The following VWC2 variants were observed in gnomAD, a reference collection of about 807,000 sequenced individuals.
VWC2 encodes brorin.
Under a neutral mutation model 29.8 loss-of-function variants are expected in VWC2, and 14 were observed. The observed-to-expected ratio is 0.47, with a 90% CI of 0.31 to 0.74. The LOEUF is 0.74. VWC2 is among the 30% of genes least tolerant of loss of function. VWC2 has a pLI of 0.05. For synonymous variants in VWC2, 213 were observed against 199.0 expected, an observed-to-expected ratio of 1.07 and a Z score of -0.59; for missense variants, 457 against 459.8, an observed-to-expected ratio of 0.99 and a Z score of 0.05.
intron 3 of VWC2, among the ~76,000 whole-genome samples, chr7:49,905,287 T>C (rs1793026332): frequency 6.6e-6 from 1 of 152,204 alleles, no homozygotes; most frequent in Admixed American, 6.5e-5. Context: ...ATGATAGCTA[T>C]GGAAAGTGAC....
chr7:49,847,205 G>A (rs992740846), intron 3 of VWC2, among the ~76,000 whole-genome samples: 3 of 149,378 alleles, frequency 2.0e-5, no homozygotes, highest in African/African-American at 7.3e-5. Flanking sequence ...AAAAATGTGT[G>A]AACCTATTAT....
intron 3 of VWC2, among the ~76,000 whole-genome samples, chr7:49,813,539 C>A (rs1789061442): frequency 6.6e-6 from 1 of 152,158 alleles, no homozygotes; most frequent in Non-Finnish European, 1.5e-5. Flanking sequence ...TTGGATATTT[C>A]CTGCCAGTCA....
chr7:49,917,172 C>A lies in VWC2; in HGVS notation c.*4987C>A, dbSNP rs1478925554. The A allele has an allele frequency of 6.6e-6, 1 of 152,040 alleles. No homozygotes were observed. The highest frequency in any genetic ancestry group is 1.5e-5 in the Non-Finnish European group (1 of 67,996). 9.4% of individuals were successfully genotyped at this position (152,040 alleles called of 1,614,324 possible). A position where few individuals can be genotyped will look rare whatever the true frequency, so the allele number is the denominator to read the frequency against. On this transcript the variant is annotated 3_prime_UTR_variant, in exon 4 of 4. Coordinates refer to ENST00000340652, the MANE Select transcript of VWC2 (RefSeq NM_198570.5). ...GAACTGATACAATAATGAGCTGAGT[C>A]ATTTGTACAGAAATATAGTAGCTTC...
chr7:49,794,009 C>T (rs1788524044), intron 2 of VWC2, among the ~76,000 whole-genome samples: 1 of 152,302 alleles, frequency 6.6e-6, no homozygotes, highest in East Asian at 1.9e-4. Flanking sequence ...CTAGCCAACA[C>T]CAAAGAGCTA....
intron 2 of VWC2, among the ~76,000 whole-genome samples, chr7:49,784,509 C>A (rs1003210509): frequency 6.6e-6 from 1 of 152,134 alleles, no homozygotes. Context: ...GGTTGTGGCA[C>A]GTGAAGAGTT....
chr7:49,912,809 A>C lies in VWC2; in HGVS notation c.*624A>C, dbSNP rs997881053. On this transcript the variant is annotated 3_prime_UTR_variant, in exon 4 of 4. Transcript: ENST00000340652. ...TCACTTGTGAAATGCAGGTGTAAAG[A>C]TCACTAACTCACACTTTCTCAGTTC... The C allele has an allele frequency of 3.3e-5, 5 of 152,326 alleles. No individual in the cohort carries two copies. The highest frequency in any genetic ancestry group is 1.2e-4 in the African/African-American group (5 of 41,464). The allele number at this position is 152,326 out of a possible 1,614,324, so 9.4% of individuals were successfully genotyped here. A position where few individuals can be genotyped will look rare whatever the true frequency, so the allele number is the denominator to read the frequency against.
chr7:49,796,183 T>C (rs766961696), intron 2 of VWC2, among the ~76,000 whole-genome samples: 39 of 152,322 alleles, frequency 2.6e-4, no homozygotes, highest in Non-Finnish European at 4.9e-4. Context: ...TGCTGAATAG[T>C]TGTAGTTGAG....
At chr7:49,852,135 G>A (rs757180255) in intron 3 of VWC2, among the ~76,000 whole-genome samples, 2 of 152,200 alleles carry the variant, frequency 1.3e-5, no homozygotes, top group Admixed American at 6.5e-5. Context: ...CTGGAGAGTC[G>A]GTCATCAGGC....
intron 3 of VWC2, among the ~76,000 whole-genome samples, chr7:49,859,790 G>GCACA (rs57768700): frequency 0.036 from 431 of 12,010 alleles, 3 homozygotes; most frequent in African/African-American, 0.11. Context: ...GCGCGTGCGT[G>GCACA]CACACACACA....
rs1327376579 is a variant in VWC2 at position 49,919,120 on chromosome 7, T to TG, written c.*6939dup. 2 of 151,774 alleles carry TG rather than the reference T, an allele frequency of 1.3e-5. No individual in the cohort carries two copies. The highest frequency in any genetic ancestry group is 2.9e-5 in the Non-Finnish European group (2 of 67,990). The allele number at this position is 151,774 out of a possible 1,614,324, so 9.4% of individuals were successfully genotyped here. ...TGTCTGGTTCCAAAGCTATCCTACA[T>TG]GGGGCACAGTCAGGACTGGAATGGA... is the stretch of plus-strand genomic sequence containing the variant. On this transcript the variant is annotated 3_prime_UTR_variant, in exon 4 of 4. Transcript: ENST00000340652.
chr7:49,813,243 C>T (rs1789054904), intron 3 of VWC2, among the ~76,000 whole-genome samples: 1 of 152,240 alleles, frequency 6.6e-6, no homozygotes, highest in African/African-American at 2.4e-5. Flanking sequence ...CCTGCAGGCA[C>T]TGCATACTGC....
chr7:49,845,065 A>G (rs1035532372), intron 3 of VWC2, among the ~76,000 whole-genome samples: 4 of 152,052 alleles, frequency 2.6e-5, no homozygotes, highest in African/African-American at 7.2e-5. Flanking sequence ...TCACTTATAA[A>G]TGGGAGCTGA....
At chr7:49,809,725 A>C (rs1376442493) in intron 3 of VWC2, among the ~76,000 whole-genome samples, 1 of 152,028 alleles carries the variant, frequency 6.6e-6, no homozygotes, top group African/African-American at 2.4e-5. Context: ...TTACTGTCTC[A>C]AAAATCAATT....
At position 49,855,934 on chromosome 7, in the gene VWC2, C is replaced by A. The variant is rs146023415; in HGVS notation, c.826+53094C>A. The stretch of plus-strand genomic sequence containing the variant: ...AGAAAACTGATGTTTCTTTCAGATC[C>A]ACTGAGAGACACTAAGCCCCACAGT... On this transcript the variant is annotated intron_variant, in intron 3 of 3. Coordinates refer to ENST00000340652, the MANE Select transcript of VWC2 (RefSeq NM_198570.5). 2.0e-3 allele frequency among the ~76,000 whole-genome samples: 304 copies of A among 152,280 alleles called. 1 individual carries two copies. Among genetic ancestry groups the A allele is most frequent in the African/African-American group, 7.0e-3 (291 of 41,554 alleles).
intron 3 of VWC2, among the ~76,000 whole-genome samples, chr7:49,857,617 C>A (rs1170046217): frequency 6.6e-6 from 1 of 151,846 alleles, no homozygotes; most frequent in East Asian, 1.9e-4. Context: ...TCACAACTGT[C>A]AAAATGGCTA....
intron 2 of VWC2, among the ~76,000 whole-genome samples, chr7:49,780,802 G>A (rs1484175508): frequency 1.3e-5 from 2 of 152,176 alleles, no homozygotes; most frequent in African/African-American, 2.4e-5. Context: ...GGTACTTGGA[G>A]GTGAAATGAT....
chr7:49,843,967 G>A (rs1789858933), intron 3 of VWC2, among the ~76,000 whole-genome samples: 1 of 152,212 alleles, frequency 6.6e-6, no homozygotes, highest in Admixed American at 6.5e-5. Context: ...TATTACAGGG[G>A]CCTATGTGTA....
chr7:49,826,446 G>T (rs1039069974), intron 3 of VWC2, among the ~76,000 whole-genome samples: 33 of 152,218 alleles, frequency 2.2e-4, no homozygotes, highest in African/African-American at 7.7e-4. Flanking sequence ...CTCACAGACA[G>T]TCATTCAATA....
Position 49,893,307 on chromosome 7 carries a change from C to T in VWC2, c.827-18727C>T, listed in dbSNP as rs139438754. On this transcript the variant is annotated intron_variant, in intron 3 of 3. Transcript: ENST00000340652. ...GGGCTGGAAGGAAGAGTATAAACTA[C>T]AAGAAGGGCTCCTATTCCTGCATAG... is the stretch of plus-strand genomic sequence containing the variant. Among the ~76,000 whole-genome samples the T allele has an allele frequency of 1.0e-3, 158 of 152,208 alleles. 2 individuals are homozygous for T. In the East Asian group the frequency reaches 0.027, roughly 26 times the overall value.
Sources: gnomAD v4.1 joint callset for allele counts (sites outside exome capture counted in the v4.1 genomes callset) on GRCh38, gnomAD v4.1.1 for gene constraint, MANE v1.5 for transcripts, NCBI Gene and HGNC (gene_info 2026-07-23, HGNC 2026-07-21) for gene names.